Variants in RHAG observed in about 807,000 individuals in gnomAD.
RHAG encodes ammonium transporter Rh type A.
A neutral mutation model predicts 42.4 loss-of-function variants in RHAG; 25 were observed. The ratio of observed to expected loss-of-function variants is 0.59; its 90% CI spans 0.43 to 0.82. RHAG has a LOEUF of 0.82. Among genes scored for constraint, RHAG ranks in the 40% least tolerant of loss-of-function variants. The pLI is 0.00. For missense variants in RHAG, 483 were observed against 504.6 expected (o/e 0.96, Z 0.41); for synonymous variants, 182 against 177.7 (o/e 1.02, Z -0.19).
chr6:49,620,970 T>C (rs1416730348), intron 1 of RHAG, among the ~76,000 whole-genome samples: 1 of 152,092 alleles, frequency 6.6e-6, no homozygotes, highest in Non-Finnish European at 1.5e-5. Context: ...AAGGATGAAG[T>C]CAGGATTTGA....
chr6:49,636,610 C>A (rs1392131897), intron 1 of RHAG, 46 bp downstream of exon 1: 13 of 1,596,560 alleles, frequency 8.1e-6, no homozygotes, highest in Non-Finnish European at 1.1e-5. Flanking sequence ...TTCTGAGAAA[C>A]CGAAGAACCG....
At chr6:49,615,302 T>C (rs1025315077) in intron 4 of RHAG, 9 of 273,406 alleles carry the variant, frequency 3.3e-5, no homozygotes, top group African/African-American at 2.0e-4. Flanking sequence ...TAGTCTTGAT[T>C]ATCTACAGTT....
At chr6:49,626,582 CGG>C (rs1438341642) in intron 1 of RHAG, among the ~76,000 whole-genome samples, 1 of 151,842 alleles carries the variant, frequency 6.6e-6, no homozygotes, top group Non-Finnish European at 1.5e-5. Context: ...TCCAGGGGCA[CGG>C]TGCAAGCTGT....
chr6:49,624,561 T>C (rs1428398346), intron 1 of RHAG, among the ~76,000 whole-genome samples: 3 of 152,226 alleles, frequency 2.0e-5, no homozygotes, highest in Non-Finnish European at 4.4e-5. Context: ...AGCTCTATGC[T>C]AGCTAGTAGT....
At chr6:49,636,626 T>C (rs772020182) in intron 1 of RHAG, 30 bp downstream of exon 1, 1 of 1,612,238 alleles carries the variant, frequency 6.2e-7, no homozygotes, top group South Asian at 1.1e-5. Context: ...AACCGAAAAA[T>C]GTATAGTAAG....
In RHAG at chr6:49,619,358, G is replaced by A. The variant is rs1350294310; in HGVS notation, c.162C>T (p.Phe54=). 1.2e-6 allele frequency: 2 copies of A among 1,613,600 alleles called. No individual in the cohort carries two copies. The highest frequency in any genetic ancestry group is 1.1e-5 in the South Asian group (1 of 90,988). ...MGIFFELYPL[F]QDVHVMIFVG... ...CAAATATCATAACATGTACATCTTGGAACACTGGAAAAGAGGAAAGGAAAA... is the reference window on the plus strand; with the variant it reads ...CAAATATCATAACATGTACATCTTGAAACACTGGAAAAGAGGAAAGGAAAA... Residue 54 remains phenylalanine (F), a synonymous_variant, in exon 2 of 10, where the codon TTC becomes TTT. Coordinates refer to ENST00000371175, the MANE Select transcript of RHAG (RefSeq NM_000324.3).
At chr6:49,614,577 T>C in intron 5 of RHAG, 110 bp downstream of exon 5, 4 of 913,344 alleles carry the variant, frequency 4.4e-6, no homozygotes, top group Non-Finnish European at 7.3e-6. Context: ...AAGGTCTGCT[T>C]CTGATTTGTC....
intron 2 of RHAG, 70 bp from the exon 3 acceptor site, chr6:49,618,288 A>G (rs1197928127): frequency 1.9e-6 from 3 of 1,545,874 alleles, no homozygotes; most frequent in African/African-American, 1.4e-5. Context: ...GTGCAATCCC[A>G]TCTCCCACCA....
At chr6:49,628,978 G>C (rs1762889816) in intron 1 of RHAG, among the ~76,000 whole-genome samples, 1 of 152,092 alleles carries the variant, frequency 6.6e-6, no homozygotes, top group Admixed American at 6.5e-5. Context: ...CTCTTATCTG[G>C]CCCCACCCAC....
intron 3 of RHAG, among the ~76,000 whole-genome samples, chr6:49,617,542 T>C (rs980137262): frequency 1.3e-5 from 2 of 152,230 alleles, no homozygotes; most frequent in Admixed American, 1.3e-4. Context: ...TTAATGTTAA[T>C]AGAAATACAA....
intron 1 of RHAG, among the ~76,000 whole-genome samples, chr6:49,630,019 G>T (rs368593410): frequency 6.6e-6 from 1 of 152,324 alleles, no homozygotes; most frequent in African/African-American, 2.4e-5. Flanking sequence ...GGGCTGAAGG[G>T]CTCCTCAAGT....
intron 3 of RHAG, among the ~76,000 whole-genome samples, chr6:49,616,762 A>T (rs1012300069): frequency 1.3e-5 from 2 of 152,184 alleles, no homozygotes; most frequent in Non-Finnish European, 2.9e-5. Flanking sequence ...GTCCCCTTGA[A>T]GATCCACACT....
chr6:49,624,396 G>A (rs1008587524), intron 1 of RHAG, among the ~76,000 whole-genome samples: 1 of 152,032 alleles, frequency 6.6e-6, no homozygotes, highest in East Asian at 1.9e-4. Context: ...GTACAGACAG[G>A]GTTTCACCAT....
At chr6:49,617,369 T>C (rs1400537053) in intron 3 of RHAG, among the ~76,000 whole-genome samples, 1 of 152,204 alleles carries the variant, frequency 6.6e-6, no homozygotes, top group Non-Finnish European at 1.5e-5. Flanking sequence ...ATAATAACAT[T>C]TGTGTGTTTG....
In RHAG at chr6:49,619,287, C is replaced by T; in HGVS notation, c.233G>A (p.Ser78Asn). The T allele has an allele frequency of 6.2e-7, 1 of 1,614,132 alleles. No individual in the cohort carries two copies. Among genetic ancestry groups the T allele is most frequent in the Non-Finnish European group, 8.5e-7 (1 of 1,180,010 alleles). ...LMTFLKKYGF[S>N]SVGINLLVAA... ...AACGAGTAGGTTGATACCCACACTG[C>T]TGAAGCCATATTTCTTCAGGAAGGT... The change falls in exon 2 of 10, where the codon AGC becomes AAC. Residue 78 changes from serine to asparagine, a missense_variant. Physicochemically the swap from Ser to Asn is conservative, Grantham distance 46. Transcript: ENST00000371175.
chr6:49,631,120 A>G (rs1433708819), intron 1 of RHAG, among the ~76,000 whole-genome samples: 1 of 152,162 alleles, frequency 6.6e-6, no homozygotes, highest in Admixed American at 6.6e-5. Context: ...GGAAGCACAT[A>G]ATTTGTTTTT....
At chr6:49,612,319 G>A in intron 6 of RHAG, 78 bp downstream of exon 6, 3 of 1,475,392 alleles carry the variant, frequency 2.0e-6, no homozygotes, top group South Asian at 1.2e-5. Context: ...AAACTTAGTA[G>A]CTTTTTTTCT....
At chr6:49,635,673 A>G (rs980747104) in intron 1 of RHAG, among the ~76,000 whole-genome samples, 3 of 152,022 alleles carry the variant, frequency 2.0e-5, no homozygotes, top group African/African-American at 7.2e-5. Flanking sequence ...TTTCAATTTT[A>G]TATTTTTCCT....
At position 49,607,903 on chromosome 6, in the gene RHAG, A is replaced by T. The variant is rs1762502639; in HGVS notation, c.1068-683T>A. On this transcript the variant is annotated intron_variant, in intron 7 of 9. Coordinates refer to ENST00000371175, the MANE Select transcript of RHAG (RefSeq NM_000324.3). ...CTCCAATGAATAAAACAATTGGAAA[A>T]TAAGAGTTTTTTTGGTCTTCCAGTC... Among the ~76,000 whole-genome samples, 3 of 152,284 alleles carry T rather than the reference A, an allele frequency of 2.0e-5. No homozygotes were observed. The South Asian group carries it at 6.2e-4, about 32-fold the overall frequency.
Sources: allele counts gnomAD v4.1 joint callset (sites outside exome capture counted in the v4.1 genomes callset), GRCh38; gene constraint gnomAD v4.1.1; transcripts MANE v1.5; gene names NCBI Gene and HGNC (gene_info 2026-07-23, HGNC 2026-07-21).